The following RNF212 variants were observed in gnomAD, a reference collection of about 807,000 sequenced individuals.
The protein encoded by RNF212 is probable E3 SUMO-protein ligase RNF212.
In RNF212, 33 loss-of-function variants were observed where a neutral mutation model predicts 34.7. That is an observed-to-expected ratio of 0.95 (90% CI 0.72 to 1.27). The LOEUF (loss-of-function observed/expected upper bound fraction) is 1.27, where lower values mean the gene tolerates loss of function less well. RNF212 is among the 50% of genes most tolerant of loss of function. The probability of loss-of-function intolerance (pLI) is 0.00; values close to 1 mark genes in which losing one functional copy is unlikely to be tolerated. For missense variants in RNF212, 377 were observed against 362.2 expected (o/e 1.04, Z -0.33); for synonymous variants, 140 against 136.1 (o/e 1.03, Z -0.20).
In RNF212 at chr4:1,072,711, G is replaced by C. The variant is rs1258758456; in HGVS notation, c.*163C>G. 2 of 1,386,740 alleles carry C rather than the reference G, an allele frequency of 1.4e-6. No homozygotes were observed. The highest frequency in any genetic ancestry group is 1.9e-6 in the Non-Finnish European group (2 of 1,065,000). 85.9% of individuals were successfully genotyped at this position (1,386,740 alleles called of 1,614,324 possible). A position where few individuals can be genotyped will look rare whatever the true frequency, so the allele number is the denominator to read the frequency against. The stretch of plus-strand genomic sequence containing the variant: ...AAAAATATTGTCTCTAAAATTCAAA[G>C]GTCAAATATAAAATTACAAAGCAAA... On this transcript the variant is annotated 3_prime_UTR_variant, in exon 10 of 10. Transcript: ENST00000433731.
chr4:1,082,376 G>C (rs1205408717), intron 5 of RNF212, among the ~76,000 whole-genome samples: 1 of 152,174 alleles, frequency 6.6e-6, no homozygotes, highest in Non-Finnish European at 1.5e-5. Context: ...ACGTAAGACT[G>C]GGGGAGCGTG....
downstream of RNF212, among the ~76,000 whole-genome samples, chr4:1,071,184 T>A (rs1239502789): frequency 6.6e-6 from 1 of 151,858 alleles, no homozygotes; most frequent in Non-Finnish European, 1.5e-5. Flanking sequence ...AAATTATTTT[T>A]AAAAACTAAG....
chr4:1,111,664 T>A (rs1052819692), intron 1 of RNF212, among the ~76,000 whole-genome samples: 1 of 152,320 alleles, frequency 6.6e-6, no homozygotes, highest in Non-Finnish European at 1.5e-5. Flanking sequence ...CCCTCCAATC[T>A]ACTTTTCACC....
intron 2 of RNF212, among the ~76,000 whole-genome samples, chr4:1,107,918 A>C (rs1157641965): frequency 1.3e-5 from 2 of 152,260 alleles, no homozygotes. Context: ...TACCAATAAC[A>C]AGTTAAACTG....
At chr4:1,065,414 A>C (rs6827357) in intron 3 of RNF212, among the ~76,000 whole-genome samples, 121,217 of 152,238 alleles carry the variant, frequency 0.8, 48,736 homozygotes, top group African/African-American at 0.89. Context: ...ACTTTGAGGA[A>C]AGCTGCATCC....
At chr4:1,090,189 C>G (rs1244738318) in intron 4 of RNF212, among the ~76,000 whole-genome samples, 2 of 145,852 alleles carry the variant, frequency 1.4e-5, no homozygotes, top group African/African-American at 5.2e-5. Context: ...GGTGACAGGA[C>G]AGGGCAAGGT....
At chr4:1,078,890 G>A (rs1477044014) in intron 8 of RNF212, among the ~76,000 whole-genome samples, 22 of 92,870 alleles carry the variant, frequency 2.4e-4, no homozygotes, top group African/African-American at 5.0e-4. Flanking sequence ...GGACCGACAT[G>A]GGACCAACAC....
intron 2 of RNF212, chr4:1,099,725 G>A (rs1457339044): frequency 2.2e-6 from 1 of 456,174 alleles, no homozygotes; most frequent in Non-Finnish European, 4.4e-6. Context: ...CAGCGTGACT[G>A]AAGGCCTTTG....
chr4:1,063,629 G>A (rs1717891971), intron 3 of RNF212, among the ~76,000 whole-genome samples: 1 of 151,192 alleles, frequency 6.6e-6, no homozygotes, highest in South Asian at 2.1e-4. Context: ...TGAACCCAGA[G>A]GTGGAGGTTG....
intron 2 of RNF212, chr4:1,100,013 G>A (rs1577792681): frequency 2.5e-6 from 1 of 395,292 alleles, no homozygotes; most frequent in East Asian, 7.2e-5. Flanking sequence ...AGGAATGCCA[G>A]CCCTAATTTA....
chr4:1,059,164 G>A (rs371288733), intron 3 of RNF212, among the ~76,000 whole-genome samples: 3 of 152,222 alleles, frequency 2.0e-5, no homozygotes, highest in Non-Finnish European at 4.4e-5. Context: ...GGGGGTTGCC[G>A]GCTTGTGGGG....
intron 9 of RNF212, 143 bp from the exon 10 acceptor site, chr4:1,073,336 C>T (rs1364244886): frequency 9.3e-6 from 11 of 1,186,468 alleles, no homozygotes; most frequent in African/African-American, 1.6e-5. Context: ...CCCAGTGACA[C>T]TATTTTTGTT....
chr4:1,058,713 C>T (rs1717529298), intron 3 of RNF212, among the ~76,000 whole-genome samples: 1 of 152,222 alleles, frequency 6.6e-6, no homozygotes, highest in African/African-American at 2.4e-5. Flanking sequence ...AGCTGGATAG[C>T]AAGACCTGGA....
chr4:1,087,906 C>A (rs557187828), intron 4 of RNF212, among the ~76,000 whole-genome samples: 2 of 152,082 alleles, frequency 1.3e-5, no homozygotes, highest in African/African-American at 4.8e-5. Context: ...TTTCCTGAGG[C>A]CTTCCCAGCC....
rs748256510 is a variant in RNF212, at chr4:1,093,890, A to G, written c.246+2875T>C. The G allele has an allele frequency of 3.9e-6, 6 of 1,535,900 alleles. No individual in the cohort carries two copies. The South Asian group carries it at 4.8e-5, about 12-fold the overall frequency. ...TGGTCTGGGTGCCCGTGTTGTGCTG[A>G]CCCAGTGTTCTTGGGGATCTCTGGC... On this transcript the variant is annotated intron_variant, in intron 3 of 9. Coordinates refer to ENST00000433731, the MANE Select transcript of RNF212 (RefSeq NM_001131034.4).
rs183135685 is a variant in RNF212 at position 1,108,764 on chromosome 4, T to C, written c.110-360A>G. On this transcript the variant is annotated intron_variant, in intron 1 of 9. Coordinates refer to ENST00000433731, the MANE Select transcript of RNF212 (RefSeq NM_001131034.4). Reference sequence around the variant, plus strand: ...CCAGGCTGATCTGCAAGTGGCATGATCACAGCTCACTGCAGCCTTGACACC... The same window carrying C: ...CCAGGCTGATCTGCAAGTGGCATGACCACAGCTCACTGCAGCCTTGACACC... Among the ~76,000 whole-genome samples the C allele has an allele frequency of 1.9e-4, 29 of 152,280 alleles. No homozygotes were observed. The East Asian group carries it at 5.4e-3, about 28-fold the overall frequency.
chr4:1,107,001 G>T (rs944990175), intron 2 of RNF212, among the ~76,000 whole-genome samples: 1 of 151,986 alleles, frequency 6.6e-6, no homozygotes, highest in African/African-American at 2.4e-5. Flanking sequence ...AAAATATAAT[G>T]CAGTCCTTTT....
intron 5 of RNF212, among the ~76,000 whole-genome samples, chr4:1,084,525 T>C (rs1419088180): frequency 2.0e-5 from 3 of 150,998 alleles, no homozygotes; most frequent in Non-Finnish European, 3.0e-5. Flanking sequence ...AGCTCAGGAG[T>C]CCAAGACTAG....
At chr4:1,087,777 C>T (rs1577720317) in intron 4 of RNF212, among the ~76,000 whole-genome samples, 1 of 151,854 alleles carries the variant, frequency 6.6e-6, no homozygotes, top group Non-Finnish European at 1.5e-5. Flanking sequence ...GTTCTCATGA[C>T]AGTGAGTTCT....
Sources: gnomAD v4.1 joint callset for allele counts (sites outside exome capture counted in the v4.1 genomes callset) on GRCh38, gnomAD v4.1.1 for gene constraint, MANE v1.5 for transcripts, NCBI Gene and HGNC (gene_info 2026-07-23, HGNC 2026-07-21) for gene names.